The following CNR2 variants were observed in gnomAD, a reference collection of about 807,000 sequenced individuals.
The protein encoded by CNR2 is cannabinoid receptor 2 (macrophage).
For missense variants in CNR2, 379 were observed against 439.9 expected (o/e 0.86, Z 1.24); for synonymous variants, 172 against 182.2 (o/e 0.94, Z 0.45).
At chr1:23,895,952 T>C (rs573727542) in intron 1 of CNR2, among the ~76,000 whole-genome samples, 54 of 152,296 alleles carry the variant, frequency 3.5e-4, no homozygotes, top group African/African-American at 1.3e-3. Flanking sequence ...CTCTCTCTTT[T>C]TGACTTTTAT....
intron 1 of CNR2, among the ~76,000 whole-genome samples, chr1:23,883,314 TGAC>T (rs930370931): frequency 3.3e-5 from 5 of 152,286 alleles, no homozygotes; most frequent in African/African-American, 9.6e-5. Context: ...CTGGTGAAGT[TGAC>T]GATACATCAA....
intron 1 of CNR2, among the ~76,000 whole-genome samples, chr1:23,905,878 A>G (rs140677416): frequency 6.6e-6 from 1 of 152,264 alleles, no homozygotes; most frequent in Non-Finnish European, 1.5e-5. Flanking sequence ...ACATGTTGCA[A>G]TCTCTGGCCT....
At chr1:23,905,764 G>C (rs983342761) in intron 1 of CNR2, among the ~76,000 whole-genome samples, 1 of 152,144 alleles carries the variant, frequency 6.6e-6, no homozygotes, top group African/African-American at 2.4e-5. Context: ...GACATCTGGG[G>C]AGCTGATCCT....
chr1:23,890,881 C>CTT (rs1235444917), intron 1 of CNR2, among the ~76,000 whole-genome samples: 5 of 7,780 alleles, frequency 6.4e-4, no homozygotes, highest in Non-Finnish European at 9.6e-4. Flanking sequence ...TCTTCTTCTT[C>CTT]TTTTTTTTTT....
intron 1 of CNR2, among the ~76,000 whole-genome samples, chr1:23,885,954 C>T (rs1338705527): frequency 1.3e-5 from 2 of 151,364 alleles, no homozygotes; most frequent in Non-Finnish European, 2.9e-5. Flanking sequence ...CTCTGGGAGA[C>T]CAAGGCAGGC....
At chr1:23,906,968 C>G (rs887631917) in intron 1 of CNR2, 1 of 151,796 alleles carries the variant, frequency 6.6e-6, no homozygotes, top group African/African-American at 2.4e-5. Flanking sequence ...AGGTGTAGAT[C>G]TCTTTTATAC....
intron 1 of CNR2, among the ~76,000 whole-genome samples, chr1:23,877,919 C>T (rs1377568343): frequency 1.3e-5 from 2 of 151,682 alleles, no homozygotes; most frequent in African/African-American, 4.8e-5. Context: ...TGAGATCGCA[C>T]CACTGCACAG....
rs751574405 is a variant in CNR2 at position 23,874,635 on chromosome 1, G to A, written c.983C>T (p.Ala328Val). ...TGAGGATCTCGGGGCTTCTTCTTTT[G>A]CCTCTGACCCAAGGCCCCTCACACA... ...KKCVRGLGSEAKEEAPRSSVT... is the reference protein window; with the variant it reads ...KKCVRGLGSEVKEEAPRSSVT... Residue 328 changes from alanine to valine, a missense_variant, in exon 2 of 2, where the codon GCA (alanine) becomes GTA (valine). Transcript: ENST00000374472. The A allele has an allele frequency of 7.4e-6, 12 of 1,614,006 alleles. No individual in the cohort carries two copies. The highest frequency in any genetic ancestry group is 3.3e-4 in the Middle Eastern group (2 of 6,084).
chr1:23,901,726 A>AT, intron 1 of CNR2: 1 of 1,418,946 alleles, frequency 7.0e-7, no homozygotes, highest in East Asian at 2.3e-5. Context: ...ATTTGGTCAG[A>AT]TTCTGAGCCA....
intron 1 of CNR2, among the ~76,000 whole-genome samples, chr1:23,903,363 C>T (rs1640435528): frequency 6.6e-6 from 1 of 151,788 alleles, no homozygotes; most frequent in South Asian, 2.1e-4. Flanking sequence ...GCGGTTGGGC[C>T]CAGGAGTTCA....
chr1:23,904,319 G>A (rs1263320707), intron 1 of CNR2, among the ~76,000 whole-genome samples: 3 of 151,582 alleles, frequency 2.0e-5, no homozygotes, highest in East Asian at 1.9e-4. Flanking sequence ...GATTACAGGC[G>A]CCTGCCACCA....
intron 1 of CNR2, among the ~76,000 whole-genome samples, chr1:23,886,854 T>C (rs996387039): frequency 6.6e-6 from 1 of 152,208 alleles, no homozygotes; most frequent in Admixed American, 6.5e-5. Context: ...GAGATGGCCC[T>C]ATGCAGAGAA....
In CNR2 at chr1:23,884,563, C is replaced by T. The variant is rs150122846; in HGVS notation, c.-45-8901G>A. Among the ~76,000 whole-genome samples, 1,231 of 151,886 alleles carry T rather than the reference C, an allele frequency of 8.1e-3. 15 individuals are homozygous for T. The highest frequency in any genetic ancestry group is 0.027 in the African/African-American group (1,119 of 41,390). On this transcript the variant is annotated intron_variant, in intron 1 of 1. Transcript: ENST00000374472. ...TCAAATGATCCACCCGATTCAGCCT[C>T]CCAAAGTGCTGGGATTACAAGTGTG...
intron 1 of CNR2, among the ~76,000 whole-genome samples, chr1:23,897,163 C>CCACGCCCGCCCTGAAGTAACA (rs1557531184): frequency 6.6e-6 from 1 of 152,122 alleles, no homozygotes; most frequent in East Asian, 1.9e-4. Context: ...GTGTGAGCCA[C>CCACGCCCGCCCTGAAGTAACA]TGCACCCTGC....
chr1:23,900,228 A>G (rs1168189148), intron 1 of CNR2, among the ~76,000 whole-genome samples: 3 of 152,050 alleles, frequency 2.0e-5, no homozygotes, highest in Non-Finnish European at 2.9e-5. Flanking sequence ...TCCCTGGCCA[A>G]TCAGCACTCC....
rs371186526 is a variant in CNR2 at position 23,874,807 on chromosome 1, T to C, written c.811A>G (p.Thr271Ala). Residue 271 changes from threonine (T) to alanine (A), a missense_variant, in exon 2 of 2, where the codon ACT becomes GCT. Coordinates refer to ENST00000374472, the MANE Select transcript of CNR2 (RefSeq NM_001841.3). ...VLALMAHSLA[T>A]TLSDQVKKAF... Reference sequence around the variant, plus strand: ...TTCTTGACCTGGTCACTGAGCGTAGTGGCCAGGCTGTGGGCCATGAGGGCC... The same window carrying C: ...TTCTTGACCTGGTCACTGAGCGTAGCGGCCAGGCTGTGGGCCATGAGGGCC... 3 of 1,613,942 alleles carry C rather than the reference T, an allele frequency of 1.9e-6. No homozygotes were observed. Among genetic ancestry groups the C allele is most frequent in the African/African-American group, 2.7e-5 (2 of 74,872 alleles).
At chr1:23,885,747 G>A (rs1446286681) in intron 1 of CNR2, among the ~76,000 whole-genome samples, 1 of 152,048 alleles carries the variant, frequency 6.6e-6, no homozygotes, top group Non-Finnish European at 1.5e-5. Flanking sequence ...GCGTGGTGGC[G>A]TGCGCCTGTA....
chr1:23,887,496 A>G (rs1640111726), intron 1 of CNR2, among the ~76,000 whole-genome samples: 1 of 152,214 alleles, frequency 6.6e-6, no homozygotes, highest in Admixed American at 6.5e-5. Flanking sequence ...ATGTGTGGTT[A>G]TTATCCAAAG....
intron 1 of CNR2, among the ~76,000 whole-genome samples, chr1:23,888,216 G>T (rs1206664905): frequency 6.6e-6 from 1 of 152,126 alleles, no homozygotes; most frequent in African/African-American, 2.4e-5. Flanking sequence ...GGTCTCTCTG[G>T]TTCCTTAATT....
Sources: allele counts gnomAD v4.1 joint callset (sites outside exome capture counted in the v4.1 genomes callset), GRCh38; gene constraint gnomAD v4.1.1; transcripts MANE v1.5; gene names NCBI Gene and HGNC (gene_info 2026-07-23, HGNC 2026-07-21).